The following EPB41L1 variants were observed in gnomAD, a reference collection of about 807,000 sequenced individuals.
The protein encoded by EPB41L1 is erythrocyte membrane protein band 4.1 like 1, also known as band 4.1-like protein 1.
EPB41L1 carries 29 observed loss-of-function variants against 97.8 expected under a neutral mutation model. That is an observed-to-expected ratio of 0.30 (90% confidence interval 0.22 to 0.40). The LOEUF is 0.40. Ranked by LOEUF, EPB41L1 falls within the 10% of genes least tolerant of loss-of-function variation. The pLI, the probability that EPB41L1 is intolerant of heterozygous loss-of-function variation, is 1.00. For synonymous variants in EPB41L1, 383 were observed against 459.2 expected (o/e 0.83, Z 2.12); for missense variants, 812 against 1,162.3 (o/e 0.70, Z 4.38).
intron 3 of EPB41L1, among the ~76,000 whole-genome samples, chr20:36,177,697 C>T (rs1600760236): frequency 1.3e-5 from 2 of 152,218 alleles, no homozygotes; most frequent in South Asian, 4.1e-4. Context: ...CAGCTTCTCC[C>T]CAAGCAAGCT....
chr20:36,219,220 G>A (rs750821576), intron 18 of EPB41L1, among the ~76,000 whole-genome samples: 7 of 152,228 alleles, frequency 4.6e-5, no homozygotes, highest in Non-Finnish European at 7.3e-5. Flanking sequence ...CCTCACCTTG[G>A]TGGTGCTGCT....
At chr20:36,188,271 T>C in intron 8 of EPB41L1, 76 bp from the exon 9 acceptor site, 2 of 1,598,582 alleles carry the variant, frequency 1.3e-6, no homozygotes, top group East Asian at 2.2e-5. Context: ...CACAGGGCAG[T>C]GTTTTCGGGG....
intron 2 of EPB41L1, among the ~76,000 whole-genome samples, chr20:36,126,230 G>A (rs769474245): frequency 7.2e-5 from 11 of 152,204 alleles, no homozygotes; most frequent in Non-Finnish European, 1.0e-4. Flanking sequence ...ACCTCCTAAG[G>A]AGGGGTGGCA....
At chr20:36,186,452 G>C (rs1289689576) in intron 7 of EPB41L1, among the ~76,000 whole-genome samples, 1 of 152,096 alleles carries the variant, frequency 6.6e-6, no homozygotes, top group Non-Finnish European at 1.5e-5. Flanking sequence ...AGATGTGGAG[G>C]GATCGTGTAC....
intron 1 of EPB41L1, among the ~76,000 whole-genome samples, chr20:36,169,432 C>T (rs575388466): frequency 6.6e-6 from 1 of 152,166 alleles, no homozygotes; most frequent in Non-Finnish European, 1.5e-5. Flanking sequence ...TAGCCCTGGG[C>T]CTGGCTGGCA....
rs777166804 is a variant in EPB41L1, at chr20:36,230,772, CTT to C, written c.*1445_*1446del. ...TTTTCAGTCTTCTCTCTCTTTCTCT[CTT>C]TTTTTTTTTTTTGCCACATTCTGCC... On this transcript the variant is annotated 3_prime_UTR_variant, in exon 22 of 22. Transcript: ENST00000338074. The C allele has an allele frequency of 4.2e-4, 59 of 142,012 alleles. No homozygotes were observed. The highest frequency in any genetic ancestry group is 4.2e-4 in the Non-Finnish European group (27 of 64,774). 8.8% of individuals were successfully genotyped at this position (142,012 alleles called of 1,614,324 possible).
At chr20:36,134,726 T>C (rs1188480691) in intron 2 of EPB41L1, among the ~76,000 whole-genome samples, 1 of 152,102 alleles carries the variant, frequency 6.6e-6, no homozygotes, top group African/African-American at 2.4e-5. Context: ...AGGTCTGTCA[T>C]CTACCTTGCT....
chr20:36,194,411 C>T, intron 12 of EPB41L1, 51 bp downstream of exon 12: 2 of 1,562,190 alleles, frequency 1.3e-6, no homozygotes, highest in Non-Finnish European at 1.7e-6. Context: ...AGGAGGCTGA[C>T]CTGAGGTCTA....
intron 5 of EPB41L1, 100 bp from the exon 6 acceptor site, chr20:36,182,172 T>C (rs1324415388): frequency 2.0e-6 from 2 of 997,568 alleles, no homozygotes; most frequent in Admixed American, 1.8e-5. Flanking sequence ...CCTGAGATTA[T>C]ACATAGGAGA....
At position 36,093,126 on chromosome 20, in the gene EPB41L1, CGTGTGTGAGG is replaced by C. The variant is rs2057711569; in HGVS notation, c.-65+1522_-65+1531del. ...TGCGCCGGGTGTGCATCTGTGTGTG[CGTGTGTGAGG>C]GTGTGTGCCTTGCGTGTCTTCGCGA... On this transcript the variant is annotated intron_variant, in intron 1 of 19. Transcript: ENST00000202028. This position sits in a 1 kb window ranked among gnomAD's most constrained non-coding sequence, Gnocchi z 5.4. Among the ~76,000 whole-genome samples the C allele has an allele frequency of 6.7e-6, 1 of 150,208 alleles. No individual in the cohort carries two copies. The highest frequency in any genetic ancestry group is 1.5e-5 in the Non-Finnish European group (1 of 67,528).
chr20:36,122,911 G>C (rs565791146), intron 2 of EPB41L1, among the ~76,000 whole-genome samples: 1 of 152,268 alleles, frequency 6.6e-6, no homozygotes, highest in Admixed American at 6.5e-5. Context: ...AGCACTGACT[G>C]CCACAGGTTC....
chr20:36,216,500 A>G (rs2063449864), intron 17 of EPB41L1, among the ~76,000 whole-genome samples: 1 of 152,172 alleles, frequency 6.6e-6, no homozygotes, highest in Admixed American at 6.5e-5. Context: ...GAATCACTTA[A>G]ATTTTTTACA....
chr20:36,170,836 T>G (rs1359918673), intron 1 of EPB41L1, among the ~76,000 whole-genome samples: 1 of 151,752 alleles, frequency 6.6e-6, no homozygotes, highest in African/African-American at 2.4e-5. Flanking sequence ...ATCTCAAAAA[T>G]GATCTCAAAA....
At position 36,173,856 on chromosome 20, in the gene EPB41L1, GCTGTGACCACCC is replaced by G; in HGVS notation, c.88_99del (p.Thr30_Thr33del). On this transcript the variant is annotated inframe_deletion, in exon 2 of 22. Coordinates refer to ENST00000338074, the MANE Select transcript of EPB41L1 (RefSeq NM_012156.2). The stretch of plus-strand genomic sequence containing the variant: ...CCCGCAGCAGCCCGAGGCTGCTGCC[GCTGTGACCACCC>G]CTGTGACCCCTGCAGGCCACGGCCA... The G allele has an allele frequency of 6.2e-7, 1 of 1,613,898 alleles. No homozygotes were observed. Among genetic ancestry groups the G allele is most frequent in the Non-Finnish European group, 8.5e-7 (1 of 1,179,894 alleles).
At chr20:36,168,345 A>G (rs2060825516) in intron 1 of EPB41L1, among the ~76,000 whole-genome samples, 1 of 152,090 alleles carries the variant, frequency 6.6e-6, no homozygotes, top group Non-Finnish European at 1.5e-5. Flanking sequence ...TAGGCCTTTC[A>G]TATGTTAGTG....
intron 1 of EPB41L1, among the ~76,000 whole-genome samples, chr20:36,161,371 A>G (rs768887186): frequency 2.0e-5 from 3 of 152,270 alleles, no homozygotes; most frequent in Non-Finnish European, 2.9e-5. Flanking sequence ...AGTGTCTTCT[A>G]TATGTCAAAT....
At chr20:36,158,062 T>C (rs377305228) in intron 1 of EPB41L1, among the ~76,000 whole-genome samples, 4 of 146,660 alleles carry the variant, frequency 2.7e-5, no homozygotes, top group African/African-American at 1.0e-4. Context: ...AGATGAGGTA[T>C]AGGAGTTATT....
At chr20:36,153,178 C>A, upstream of EPB41L1, 1 of 443,556 alleles carries the variant, frequency 2.3e-6, no homozygotes. Context: ...CTAAAGGGTG[C>A]TGAGGAGAGG....
chr20:36,163,792 G>C (rs2145702503), intron 1 of EPB41L1, among the ~76,000 whole-genome samples: 1 of 152,262 alleles, frequency 6.6e-6, no homozygotes, highest in African/African-American at 2.4e-5. Flanking sequence ...ACCACAGAGA[G>C]AGAAATTGGG....
Sources: gnomAD v4.1 joint callset for allele counts (sites outside exome capture counted in the v4.1 genomes callset) on GRCh38, gnomAD v4.1.1 for gene constraint, Gnocchi (gnomAD v3.1) non-coding constraint, MANE v1.5 for transcripts, NCBI Gene and HGNC (gene_info 2026-07-23, HGNC 2026-07-21) for gene names.